RXRA: variants seen among roughly 807,000 people sequenced by gnomAD.
The protein encoded by RXRA is retinoic acid receptor RXR-alpha.
Under a neutral mutation model 44.5 loss-of-function variants are expected in RXRA, and 5 were observed. The observed-to-expected ratio is 0.11, with a 90% CI of 0.06 to 0.24. The LOEUF is 0.24. Among genes scored for constraint, RXRA ranks in the 10% least tolerant of loss-of-function variants. The probability of loss-of-function intolerance (pLI) is 1.00; values close to 1 mark genes in which losing one functional copy is unlikely to be tolerated. For synonymous variants in RXRA, 291 were observed against 271.4 expected (o/e 1.07, Z -0.71); for missense variants, 412 against 646.5 (o/e 0.64, Z 3.93).
At chr9:134,387,738 A>G (rs980903939) in intron 1 of RXRA, among the ~76,000 whole-genome samples, 51 of 152,198 alleles carry the variant, frequency 3.4e-4, no homozygotes, top group African/African-American at 1.2e-3. Flanking sequence ...CCTGCCTCGC[A>G]CACTTGTCCC....
chr9:134,332,882 C>G lies in RXRA; in HGVS notation c.28+6223C>G, dbSNP rs564880968. ...GCACCCTTGCCCTGGCTGGGCTCCTCAGCATGGCAGCCTGGGAAGGGGGGA... is the reference window on the plus strand; with the variant it reads ...GCACCCTTGCCCTGGCTGGGCTCCTGAGCATGGCAGCCTGGGAAGGGGGGA... On this transcript the variant is annotated intron_variant, in intron 1 of 9. Transcript: ENST00000481739. Among the ~76,000 whole-genome samples the G allele has an allele frequency of 6.6e-4, 101 of 152,156 alleles. 1 individual carries two copies. Among genetic ancestry groups the G allele is most frequent in the Non-Finnish European group, 1.4e-3 (94 of 67,974 alleles).
rs1157599756 is a variant in RXRA at position 134,433,254 on chromosome 9, G to T, written c.1136-848G>T. Among the ~76,000 whole-genome samples, 1 of 152,172 alleles carries T rather than the reference G, an allele frequency of 6.6e-6. No individual in the cohort carries two copies. Among genetic ancestry groups the T allele is most frequent in the African/African-American group, 2.4e-5 (1 of 41,432 alleles). On this transcript the variant is annotated intron_variant, in intron 8 of 9. Transcript: ENST00000481739. This position sits in a 1 kb window ranked among gnomAD's most constrained non-coding sequence, Gnocchi z 4.2. ...CATGCCACGGCCCGGCCCGGCCCGAGGAATCCCCATTCAGGTCCTGTGTGG... is the reference window on the plus strand; with the variant it reads ...CATGCCACGGCCCGGCCCGGCCCGATGAATCCCCATTCAGGTCCTGTGTGG...
chr9:134,393,111 C>T (rs1251720354), intron 1 of RXRA, among the ~76,000 whole-genome samples: 2 of 152,070 alleles, frequency 1.3e-5, no homozygotes, highest in Non-Finnish European at 2.9e-5. Context: ...ATTTCCTGAG[C>T]CAGCGTCTGG....
At chr9:134,400,724 A>G (rs1564285630) in intron 1 of RXRA, among the ~76,000 whole-genome samples, 1 of 151,984 alleles carries the variant, frequency 6.6e-6, no homozygotes, top group African/African-American at 2.4e-5. Context: ...GGGCTTTGAA[A>G]TCTCTGATTT....
chr9:134,412,452 A>G (rs1831164546), intron 4 of RXRA, among the ~76,000 whole-genome samples: 1 of 152,176 alleles, frequency 6.6e-6, no homozygotes, highest in African/African-American at 2.4e-5. Context: ...AGGTGCCCCC[A>G]TGCGGTGACT....
At chr9:134,337,170 C>T (rs1050499064) in intron 1 of RXRA, among the ~76,000 whole-genome samples, 1 of 152,210 alleles carries the variant, frequency 6.6e-6, no homozygotes, top group Non-Finnish European at 1.5e-5. Context: ...GGTGCTCAGC[C>T]CCAGTGCCTG....
chr9:134,429,371 G>T (rs1336464152), intron 7 of RXRA, 131 bp downstream of exon 7: 2 of 965,712 alleles, frequency 2.1e-6, no homozygotes, highest in Non-Finnish European at 1.5e-6. Context: ...TGCACACATG[G>T]AAAAAGAGAA....
rs200223095 is a variant in RXRA, at chr9:134,401,840, G to A, written c.237G>A (p.Val79=). 422 of 1,612,252 alleles carry A rather than the reference G, an allele frequency of 2.6e-4. 2 individuals are homozygous for A. In the East Asian group the frequency reaches 8.5e-3, roughly 33 times the overall value. ...SSPMGPHSMS[V]PTTPTLGFST... is the part of the protein sequence containing the mutation. Reference sequence around the variant, plus strand: ...CCATGGGCCCCCACTCCATGTCGGTGCCCACCACACCCACCCTGGGCTTCA... The same window carrying A: ...CCATGGGCCCCCACTCCATGTCGGTACCCACCACACCCACCCTGGGCTTCA... The change falls in exon 2 of 10, where the codon GTG becomes GTA. Residue 79 remains valine, a synonymous_variant. Transcript: ENST00000481739.
intron 1 of RXRA, among the ~76,000 whole-genome samples, chr9:134,353,771 C>A (rs1353561975): frequency 2.0e-5 from 3 of 152,212 alleles, no homozygotes; most frequent in Non-Finnish European, 4.4e-5. Flanking sequence ...GGCCTCCAGG[C>A]CTGGGATGTC....
At chr9:134,353,417 G>T in intron 1 of RXRA, among the ~76,000 whole-genome samples, 1 of 152,156 alleles carries the variant, frequency 6.6e-6, no homozygotes, top group East Asian at 1.9e-4. Flanking sequence ...TGTGTGCACG[G>T]CCCCATGCAT....
Position 134,356,997 on chromosome 9 carries a change from A to G in RXRA, c.28+30338A>G, listed in dbSNP as rs1379572884. On this transcript the variant is annotated intron_variant, in intron 1 of 9. Coordinates refer to ENST00000481739, the MANE Select transcript of RXRA (RefSeq NM_002957.6). ...AGTGCTGGGCACCCCCAGGAAGCTCAGAGGCCCCCAGGCAGAGCCGGGGAG... is the reference window on the plus strand; with the variant it reads ...AGTGCTGGGCACCCCCAGGAAGCTCGGAGGCCCCCAGGCAGAGCCGGGGAG... 4.0e-4 allele frequency among the ~76,000 whole-genome samples: 61 copies of G among 152,202 alleles called. 1 individual carries two copies. Among genetic ancestry groups the G allele is most frequent in the Admixed American group, 3.8e-3 (58 of 15,286 alleles).
At chr9:134,345,686 C>A (rs1423852375) in intron 1 of RXRA, among the ~76,000 whole-genome samples, 1 of 152,200 alleles carries the variant, frequency 6.6e-6, no homozygotes, top group Non-Finnish European at 1.5e-5. Context: ...GAAAAAGAGC[C>A]AAGGCAGGAG....
At chr9:134,333,731 T>C (rs1461790855) in intron 1 of RXRA, among the ~76,000 whole-genome samples, 1 of 152,116 alleles carries the variant, frequency 6.6e-6, no homozygotes, top group Admixed American at 6.5e-5. Flanking sequence ...CAATTTAGCT[T>C]AAGTGTCCAC....
At position 134,401,726 on chromosome 9, in the gene RXRA, C is replaced by T. The variant is rs1805337; in HGVS notation, c.123C>T (p.Ile41=). The T allele has an allele frequency of 1.3e-3, 2,155 of 1,613,162 alleles. No individual in the cohort carries two copies. Among genetic ancestry groups the T allele is most frequent in the Non-Finnish European group, 1.6e-3 (1,911 of 1,179,982 alleles). Residue 41 remains isoleucine (I), a synonymous_variant, in exon 2 of 10, where the codon ATC becomes ATT. Coordinates refer to ENST00000481739, the MANE Select transcript of RXRA (RefSeq NM_002957.6). ...TGCACCCGTCCCTGGGGCCTGGCATCGGCTCCCCGGGACAGCTGCATTCTC... is the reference window on the plus strand; with the variant it reads ...TGCACCCGTCCCTGGGGCCTGGCATTGGCTCCCCGGGACAGCTGCATTCTC... ...PSLHPSLGPG[I]GSPGQLHSPI...
At chr9:134,418,322 G>T (rs1268803360) in intron 5 of RXRA, among the ~76,000 whole-genome samples, 3 of 152,180 alleles carry the variant, frequency 2.0e-5, no homozygotes, top group Non-Finnish European at 4.4e-5. Flanking sequence ...CCTGGGTCCA[G>T]CTGGCCCTCA....
In RXRA at chr9:134,342,790, G is replaced by GCCTTCCTGGC. The variant is rs1830102035; in HGVS notation, c.28+16140_28+16149dup. Among the ~76,000 whole-genome samples the GCCTTCCTGGC allele has an allele frequency of 6.6e-6, 1 of 152,182 alleles. No homozygotes were observed. ...GCGCCGCGGAGGAGGCTGCCTACCT[G>GCCTTCCTGGC]CCTTCCTGGCCCTTCCTGCTCTGGC... On this transcript the variant is annotated intron_variant, in intron 1 of 9. Transcript: ENST00000481739. This position sits in a 1 kb window ranked among gnomAD's most constrained non-coding sequence, Gnocchi z 4.4.
At chr9:134,381,091 A>T (rs190940413) in intron 1 of RXRA, among the ~76,000 whole-genome samples, 1 of 152,166 alleles carries the variant, frequency 6.6e-6, no homozygotes, top group East Asian at 1.9e-4. Flanking sequence ...TCTGAGCCCC[A>T]GTTGCTGCTG....
intron 6 of RXRA, chr9:134,422,638 C>G (rs865797679): frequency 1.1e-6 from 1 of 919,024 alleles, no homozygotes. Context: ...ACTCCCCTCT[C>G]CCCGGACACT....
chr9:134,436,369 G>A, intron 9 of RXRA, 98 bp from the exon 10 acceptor site: 3 of 1,218,874 alleles, frequency 2.5e-6, no homozygotes, highest in Non-Finnish European at 3.5e-6. Flanking sequence ...AGAGGGGTTG[G>A]GGTATCAGAC....
Sources: allele counts gnomAD v4.1 joint callset (sites outside exome capture counted in the v4.1 genomes callset), GRCh38; gene constraint gnomAD v4.1.1; non-coding constraint Gnocchi (gnomAD v3.1); transcripts MANE v1.5; gene names NCBI Gene and HGNC (gene_info 2026-07-23, HGNC 2026-07-21).